The following XKR9 variants were observed in gnomAD, a reference collection of about 807,000 sequenced individuals.
XKR9 encodes the protein XK-related protein 9.
A neutral mutation model predicts 32.0 loss-of-function variants in XKR9; 32 were observed. That is an observed-to-expected ratio of 1.00 (90% CI 0.76 to 1.34). The LOEUF (loss-of-function observed/expected upper bound fraction) is 1.34. XKR9 is among the 40% of genes most tolerant of loss of function. The pLI is 0.00. For synonymous variants in XKR9, 168 were observed against 143.4 expected (o/e 1.17, Z -1.22); for missense variants, 546 against 429.7 (o/e 1.27, Z -2.39).
At chr8:70,788,781 A>C (rs190792949) in intron 2 of XKR9, among the ~76,000 whole-genome samples, 26 of 152,234 alleles carry the variant, frequency 1.7e-4, no homozygotes, top group African/African-American at 6.0e-4. Flanking sequence ...GATAATGTTT[A>C]ACAAAAATTT....
intron 2 of XKR9, among the ~76,000 whole-genome samples, chr8:70,778,761 G>A (rs1212080214): frequency 2.6e-5 from 4 of 152,106 alleles, no homozygotes; most frequent in Non-Finnish European, 5.9e-5. Flanking sequence ...TCTGTTATTG[G>A]TGTATAGGGA....
chr8:71,033,948 A>G, the XKR9 span, among the ~76,000 whole-genome samples: 1 of 152,212 alleles, frequency 6.6e-6, no homozygotes, highest in East Asian at 1.9e-4. Context: ...TCCAAAGAAG[A>G]CAACAATACT....
At chr8:71,042,706 G>A in the XKR9 span, among the ~76,000 whole-genome samples, 4 of 151,860 alleles carry the variant, frequency 2.6e-5, no homozygotes, top group Non-Finnish European at 4.4e-5. Context: ...AAATGTTTAT[G>A]TTTAACACAT....
At chr8:70,691,425 A>G (rs1586819177) in intron 3 of XKR9, among the ~76,000 whole-genome samples, 1 of 152,162 alleles carries the variant, frequency 6.6e-6, no homozygotes, top group East Asian at 1.9e-4. Context: ...GTTAGATCTC[A>G]TTTGTCAATT....
At chr8:70,797,634 T>C in the XKR9 span, among the ~76,000 whole-genome samples, 3 of 152,040 alleles carry the variant, frequency 2.0e-5, no homozygotes, top group African/African-American at 7.2e-5. Context: ...TTTTGTGTCA[T>C]GGACATTTGG....
the XKR9 span, among the ~76,000 whole-genome samples, chr8:70,807,844 G>T: frequency 5.5e-4 from 84 of 152,120 alleles, no homozygotes; most frequent in African/African-American, 2.0e-3. Flanking sequence ...GTCAATATTA[G>T]ACAGATCAAC....
At chr8:70,725,379 C>T (rs1806429376) in intron 4 of XKR9, among the ~76,000 whole-genome samples, 1 of 152,008 alleles carries the variant, frequency 6.6e-6, no homozygotes, top group Non-Finnish European at 1.5e-5. Context: ...TTAACATTTC[C>T]TCTTTCCAAA....
chr8:70,906,313 T>C, the XKR9 span, among the ~76,000 whole-genome samples: 1 of 152,218 alleles, frequency 6.6e-6, no homozygotes. Context: ...ATTTTTCATA[T>C]ATGTCTTACA....
intron 2 of XKR9, among the ~76,000 whole-genome samples, chr8:70,762,221 C>G (rs757428003): frequency 1.6e-4 from 25 of 152,026 alleles, no homozygotes; most frequent in Non-Finnish European, 7.4e-5. Context: ...ATAGTTTTCT[C>G]TAGATTTGAA....
At chr8:70,708,923 A>G (rs1805815045) in intron 4 of XKR9, among the ~76,000 whole-genome samples, 1 of 152,086 alleles carries the variant, frequency 6.6e-6, no homozygotes, top group Non-Finnish European at 1.5e-5. Context: ...AAATTGAGGC[A>G]GGAATCTTCC....
At chr8:70,846,355 A>C in the XKR9 span, among the ~76,000 whole-genome samples, 1 of 152,284 alleles carries the variant, frequency 6.6e-6, no homozygotes, top group South Asian at 2.1e-4. Flanking sequence ...ATAAAAACAC[A>C]GGAAAATATA....
At chr8:70,874,593 G>T in the XKR9 span, among the ~76,000 whole-genome samples, 1 of 152,112 alleles carries the variant, frequency 6.6e-6, no homozygotes, top group African/African-American at 2.4e-5. Context: ...GTATTTATTT[G>T]ACTAATTCTT....
the XKR9 span, among the ~76,000 whole-genome samples, chr8:70,945,834 A>G: frequency 6.6e-6 from 1 of 152,184 alleles, no homozygotes; most frequent in East Asian, 1.9e-4. Context: ...CAGACTTACT[A>G]CCATTGAAAA....
the XKR9 span, among the ~76,000 whole-genome samples, chr8:71,008,348 A>G: frequency 3.9e-5 from 6 of 152,316 alleles, no homozygotes; most frequent in East Asian, 1.2e-3. Context: ...CTTGCTCCAC[A>G]TATATCTGAT....
At chr8:70,952,183 C>T in the XKR9 span, among the ~76,000 whole-genome samples, 9 of 144,636 alleles carry the variant, frequency 6.2e-5, no homozygotes, top group South Asian at 2.2e-4. Context: ...CACACACACA[C>T]ACACAGTACT....
At chr8:70,756,096 G>A (rs918259624) in intron 2 of XKR9, among the ~76,000 whole-genome samples, 1 of 152,044 alleles carries the variant, frequency 6.6e-6, no homozygotes, top group Admixed American at 6.5e-5. Flanking sequence ...TGGCTATCCA[G>A]TTACCCCCGT....
chr8:71,043,220 G>C, the XKR9 span, among the ~76,000 whole-genome samples: 1 of 152,178 alleles, frequency 6.6e-6, no homozygotes, highest in African/African-American at 2.4e-5. Context: ...CAGATCACAA[G>C]AAATAGTGTA....
intron 2 of XKR9, among the ~76,000 whole-genome samples, chr8:70,752,124 A>T (rs539529661): frequency 4.6e-5 from 7 of 152,232 alleles, no homozygotes; most frequent in African/African-American, 1.7e-4. Flanking sequence ...CCTCTCACTG[A>T]TTCTGGTCCT....
the XKR9 span, among the ~76,000 whole-genome samples, chr8:70,862,224 T>G: frequency 6.6e-6 from 1 of 152,114 alleles, no homozygotes; most frequent in Non-Finnish European, 1.5e-5. Context: ...TTATTTTTAT[T>G]TTTTATATTT....
Sources: allele counts gnomAD v4.1 joint callset (sites outside exome capture counted in the v4.1 genomes callset), GRCh38; gene constraint gnomAD v4.1.1; transcripts MANE v1.5; gene names NCBI Gene and HGNC (gene_info 2026-07-23, HGNC 2026-07-21).